The following SPMIP3 variants were observed in gnomAD, a reference collection of about 807,000 sequenced individuals.
The protein encoded by SPMIP3 is protein SPMIP3.
chr1:244,359,960 T>C, the SPMIP3 span, among the ~76,000 whole-genome samples: 1 of 150,700 alleles, frequency 6.6e-6, no homozygotes, highest in South Asian at 2.1e-4. Flanking sequence ...ATACAAAAAA[T>C]TAGCTGGGCG....
chr1:244,387,304 A>C, the SPMIP3 span, among the ~76,000 whole-genome samples: 5 of 152,224 alleles, frequency 3.3e-5, no homozygotes, highest in African/African-American at 1.2e-4. Flanking sequence ...TCTGAAAAAA[A>C]AAAAAAAAGT....
chr1:244,372,713 G>A, the SPMIP3 span, among the ~76,000 whole-genome samples: 2 of 152,198 alleles, frequency 1.3e-5, no homozygotes, highest in East Asian at 3.9e-4. Context: ...AAAGTGCTGG[G>A]ATTACAGGCG....
the SPMIP3 span, among the ~76,000 whole-genome samples, chr1:244,358,247 A>G: frequency 1.3e-5 from 2 of 150,880 alleles, no homozygotes; most frequent in South Asian, 2.1e-4. Context: ...AAAAGAAAAG[A>G]AAAGAAAATT....
chr1:244,384,162 A>G, the SPMIP3 span, among the ~76,000 whole-genome samples: 1 of 152,156 alleles, frequency 6.6e-6, no homozygotes, highest in African/African-American at 2.4e-5. Flanking sequence ...GCATGGGGCG[A>G]AGATTGAATG....
the SPMIP3 span, among the ~76,000 whole-genome samples, chr1:244,362,369 C>T: frequency 6.6e-6 from 1 of 152,144 alleles, no homozygotes; most frequent in African/African-American, 2.4e-5. Context: ...GGGTTCCAGC[C>T]CTGGTTCCTT....
the SPMIP3 span, chr1:244,375,571 A>G: frequency 1.4e-6 from 1 of 693,110 alleles, no homozygotes; most frequent in Non-Finnish European, 2.4e-6. Flanking sequence ...AATACTGATG[A>G]TAGCAAAAAT....
chr1:244,388,937 G>T, the SPMIP3 span: 1 of 1,596,936 alleles, frequency 6.3e-7, no homozygotes, highest in Non-Finnish European at 8.6e-7. Flanking sequence ...TCCTTAATTT[G>T]TTTTAAATTC....
the SPMIP3 span, chr1:244,378,682 G>T: frequency 1.3e-6 from 2 of 1,570,444 alleles, no homozygotes; most frequent in Non-Finnish European, 1.7e-6. Context: ...GATTAACCTT[G>T]CCTGGGCCAC....
chr1:244,386,232 A>G, the SPMIP3 span, among the ~76,000 whole-genome samples: 2 of 152,208 alleles, frequency 1.3e-5, no homozygotes, highest in African/African-American at 4.8e-5. Context: ...AATCATTAAC[A>G]TATTTGGAAT....
the SPMIP3 span, among the ~76,000 whole-genome samples, chr1:244,369,130 A>G: frequency 6.6e-6 from 1 of 152,152 alleles, no homozygotes; most frequent in African/African-American, 2.4e-5. Context: ...ACTGCACTCC[A>G]GCCTGGCGAC....
the SPMIP3 span, among the ~76,000 whole-genome samples, chr1:244,367,438 G>A: frequency 3.9e-5 from 6 of 152,156 alleles, no homozygotes; most frequent in African/African-American, 7.2e-5. Flanking sequence ...CGTCCCATGG[G>A]AGATCCAGCC....
At chr1:244,364,400 C>T in the SPMIP3 span, among the ~76,000 whole-genome samples, 20 of 152,126 alleles carry the variant, frequency 1.3e-4, no homozygotes, top group African/African-American at 2.2e-4. Context: ...CCACCACACC[C>T]GGCCTGCTTT....
chr1:244,364,878 A>AGCTTCCCT, the SPMIP3 span: 1 of 1,071,438 alleles, frequency 9.3e-7, no homozygotes, highest in Non-Finnish European at 1.4e-6. Flanking sequence ...AGTTCTAGGG[A>AGCTTCCCT]AGCTCTTTGG....
At chr1:244,368,377 C>A in the SPMIP3 span, among the ~76,000 whole-genome samples, 5 of 152,024 alleles carry the variant, frequency 3.3e-5, no homozygotes, top group African/African-American at 1.2e-4. Flanking sequence ...ACTCCTTTAA[C>A]CTTCACTACT....
the SPMIP3 span, among the ~76,000 whole-genome samples, chr1:244,372,057 T>G: frequency 6.6e-6 from 1 of 152,162 alleles, no homozygotes; most frequent in Admixed American, 6.5e-5. Flanking sequence ...TGCTAGACAG[T>G]CAGGCCCACT....
the SPMIP3 span, among the ~76,000 whole-genome samples, chr1:244,366,832 A>G: frequency 6.6e-6 from 1 of 152,302 alleles, no homozygotes; most frequent in Admixed American, 6.5e-5. Context: ...ATGAGCCGAG[A>G]TCGCACTACT....
At chr1:244,382,040 A>G in the SPMIP3 span, among the ~76,000 whole-genome samples, 4 of 152,228 alleles carry the variant, frequency 2.6e-5, no homozygotes, top group African/African-American at 4.8e-5. Flanking sequence ...ACCAGGGGGC[A>G]AGAATCACTG....
chr1:244,388,717 T>C, the SPMIP3 span, among the ~76,000 whole-genome samples: 1 of 152,232 alleles, frequency 6.6e-6, no homozygotes, highest in African/African-American at 2.4e-5. Context: ...ATTTATGTAA[T>C]TTATTTCATT....
At chr1:244,353,555 C>G in the SPMIP3 span, among the ~76,000 whole-genome samples, 1 of 152,184 alleles carries the variant, frequency 6.6e-6, no homozygotes, top group Non-Finnish European at 1.5e-5. Context: ...GACTCAGAAC[C>G]AAAATGCGTA....
Sources: allele counts gnomAD v4.1 joint callset (sites outside exome capture counted in the v4.1 genomes callset), GRCh38; gene constraint gnomAD v4.1.1; transcripts MANE v1.5; gene names NCBI Gene and HGNC (gene_info 2026-07-23, HGNC 2026-07-21).